Variants in CFAP96 observed in about 807,000 individuals in gnomAD.
CFAP96 encodes the protein cilia and flagella associated protein 96.
At chr4:185,426,266 C>G in the CFAP96 span, 1 of 200,366 alleles carries the variant, frequency 5.0e-6, no homozygotes, top group African/African-American at 2.3e-5. Flanking sequence ...AGGCGCTGCG[C>G]AGCCCAGGCG....
At chr4:185,413,582 G>A in the CFAP96 span, 2 of 753,722 alleles carry the variant, frequency 2.7e-6, no homozygotes, top group Non-Finnish European at 2.0e-6. Flanking sequence ...GCTATCTTAA[G>A]CAATGTCTGT....
the CFAP96 span, among the ~76,000 whole-genome samples, chr4:185,437,101 C>G: frequency 6.6e-6 from 1 of 152,152 alleles, no homozygotes; most frequent in Non-Finnish European, 1.5e-5. Flanking sequence ...TTATGATGAG[C>G]AGATGGGATG....
At chr4:185,449,731 T>C in the CFAP96 span, 8 of 890,032 alleles carry the variant, frequency 9.0e-6, no homozygotes, top group African/African-American at 6.9e-5. Flanking sequence ...TAAGATGTTA[T>C]GGAGCAGATA....
At chr4:185,413,747 T>C in the CFAP96 span, 1 of 1,611,968 alleles carries the variant, frequency 6.2e-7, no homozygotes, top group Non-Finnish European at 8.5e-7. Flanking sequence ...CCATGTTAGG[T>C]GGATTAAGGT....
the CFAP96 span, among the ~76,000 whole-genome samples, chr4:185,426,818 G>A: frequency 6.9e-6 from 1 of 144,968 alleles, no homozygotes; most frequent in East Asian, 2.0e-4. Context: ...CATCACCTGC[G>A]CTCACGAGTT....
chr4:185,447,167 GTTTGA>G, the CFAP96 span, among the ~76,000 whole-genome samples: 1 of 148,176 alleles, frequency 6.7e-6, no homozygotes, highest in Non-Finnish European at 1.5e-5. Context: ...ATATAGCTAT[GTTTGA>G]TTTTATATTT....
the CFAP96 span, among the ~76,000 whole-genome samples, chr4:185,417,006 T>C: frequency 6.6e-6 from 1 of 152,212 alleles, no homozygotes; most frequent in East Asian, 1.9e-4. Context: ...AAGATACATA[T>C]GTAGTTTCTT....
the CFAP96 span, among the ~76,000 whole-genome samples, chr4:185,410,375 C>A: frequency 6.6e-6 from 1 of 152,204 alleles, no homozygotes; most frequent in Non-Finnish European, 1.5e-5. Flanking sequence ...GCTGTCCAGG[C>A]ACGGTGGCTC....
At chr4:185,434,159 C>T in the CFAP96 span, among the ~76,000 whole-genome samples, 3 of 151,850 alleles carry the variant, frequency 2.0e-5, no homozygotes, top group South Asian at 2.1e-4. Context: ...TTTGAGGCTG[C>T]GGTGAGCTGA....
the CFAP96 span, among the ~76,000 whole-genome samples, chr4:185,428,046 A>G: frequency 2.7e-5 from 4 of 150,654 alleles, no homozygotes; most frequent in South Asian, 4.2e-4. Context: ...AGATCGCGCT[A>G]TTGCACTCCA....
At chr4:185,443,343 T>TATATATATATATATATA in the CFAP96 span, among the ~76,000 whole-genome samples, 6 of 19,210 alleles carry the variant, frequency 3.1e-4, no homozygotes, top group South Asian at 1.7e-3. Flanking sequence ...TATATATATA[T>TATATATATATATATATA]TTTTTTTTTT....
At chr4:185,413,820 G>C in the CFAP96 span, 7 of 1,613,238 alleles carry the variant, frequency 4.3e-6, no homozygotes, top group Non-Finnish European at 5.1e-6. Flanking sequence ...ATAAGCATTA[G>C]ACCTTTTGAA....
At chr4:185,415,378 A>G in the CFAP96 span, 2 of 1,514,298 alleles carry the variant, frequency 1.3e-6, no homozygotes, top group Non-Finnish European at 1.8e-6. Flanking sequence ...GTGTATTAAC[A>G]AAAGTTATAG....
the CFAP96 span, among the ~76,000 whole-genome samples, chr4:185,414,670 T>A: frequency 6.6e-6 from 1 of 152,210 alleles, no homozygotes; most frequent in Non-Finnish European, 1.5e-5. Flanking sequence ...TCTCATTACT[T>A]TGAATGCTGG....
the CFAP96 span, among the ~76,000 whole-genome samples, chr4:185,428,995 C>T: frequency 6.6e-6 from 1 of 152,164 alleles, no homozygotes; most frequent in Non-Finnish European, 1.5e-5. Context: ...AAAATCTACC[C>T]TGAACTTCTC....
chr4:185,425,054 T>C, the CFAP96 span, among the ~76,000 whole-genome samples: 2 of 152,196 alleles, frequency 1.3e-5, no homozygotes, highest in African/African-American at 4.8e-5. Context: ...CCCAGATGGA[T>C]AGATCTCAAG....
chr4:185,413,945 G>T, the CFAP96 span: 1 of 1,345,230 alleles, frequency 7.4e-7, no homozygotes. Context: ...AAATAAAGAT[G>T]TTATTAAACA....
chr4:185,415,047 TTTAAG>T, the CFAP96 span: 4 of 987,252 alleles, frequency 4.1e-6, no homozygotes, highest in East Asian at 2.9e-5. Flanking sequence ...ATTCCACACT[TTTAAG>T]TTAAATCACA....
chr4:185,427,150 G>T, the CFAP96 span, among the ~76,000 whole-genome samples: 1 of 152,140 alleles, frequency 6.6e-6, no homozygotes, highest in African/African-American at 2.4e-5. Flanking sequence ...TCCCTGGCTC[G>T]CTTGTGTGCC....
Sources: allele counts gnomAD v4.1 joint callset (sites outside exome capture counted in the v4.1 genomes callset), GRCh38; gene constraint gnomAD v4.1.1; transcripts MANE v1.5; gene names NCBI Gene and HGNC (gene_info 2026-07-23, HGNC 2026-07-21).